Variants in GLCE observed in about 807,000 individuals in gnomAD.
GLCE encodes the protein D-glucuronyl C5-epimerase.
Under a neutral mutation model 47.9 loss-of-function variants are expected in GLCE, and 19 were observed. The observed-to-expected ratio is 0.40, with a 90% CI of 0.28 to 0.58. The LOEUF is 0.58. GLCE is among the 20% of genes least tolerant of loss of function. GLCE has a pLI of 0.48. For missense variants in GLCE, 556 were observed against 743.3 expected (o/e 0.75, Z 2.93); for synonymous variants, 245 against 263.4 (o/e 0.93, Z 0.68).
chr15:69,246,854 G>C (rs565107383), intron 2 of GLCE, among the ~76,000 whole-genome samples: 1 of 152,198 alleles, frequency 6.6e-6, no homozygotes, highest in Admixed American at 6.5e-5. Context: ...GTGACCAGCT[G>C]CATGTCAATG....
At chr15:69,194,541 T>C (rs1292845912) in intron 1 of GLCE, 3 of 152,148 alleles carry the variant, frequency 2.0e-5, no homozygotes. Flanking sequence ...AATAATTCAT[T>C]CTTATTATTT....
At chr15:69,245,332 CAAA>C (rs34544477) in intron 2 of GLCE, among the ~76,000 whole-genome samples, 6 of 79,184 alleles carry the variant, frequency 7.6e-5, no homozygotes. Context: ...GACTCTGTCT[CAAA>C]AAAAAAAAAA....
chr15:69,264,870 G>T lies in GLCE; in HGVS notation c.830-3350G>T, dbSNP rs142988829. ...GAAAAAGTGTCTATTCAGATCATTTGCTTATTTTTTAATCAGATTTTTTTT... is the reference window on the plus strand; with the variant it reads ...GAAAAAGTGTCTATTCAGATCATTTTCTTATTTTTTAATCAGATTTTTTTT... On this transcript the variant is annotated intron_variant, in intron 4 of 4. Transcript: ENST00000261858. Among the ~76,000 whole-genome samples the T allele has an allele frequency of 3.6e-4, 55 of 152,040 alleles. 1 individual carries two copies. The East Asian group carries it at 0.011, about 29-fold the overall frequency.
At chr15:69,174,587 G>A (rs1441277460) in intron 1 of GLCE, among the ~76,000 whole-genome samples, 1 of 152,122 alleles carries the variant, frequency 6.6e-6, no homozygotes, top group Non-Finnish European at 1.5e-5. Flanking sequence ...TCCAGCCTGG[G>A]CGACAAGAGT....
intron 2 of GLCE, among the ~76,000 whole-genome samples, chr15:69,235,723 C>A (rs556096016): frequency 6.6e-6 from 1 of 152,246 alleles, no homozygotes; most frequent in South Asian, 2.1e-4. Context: ...TAATTAGTTT[C>A]TTCTATATTT....
intron 3 of GLCE, among the ~76,000 whole-genome samples, chr15:69,259,088 T>G (rs1010920561): frequency 5.9e-5 from 9 of 152,350 alleles, no homozygotes; most frequent in Admixed American, 3.3e-4. Flanking sequence ...ATTGTTTTTT[T>G]GTCTGTTGGT....
At chr15:69,194,483 C>G (rs1002462539) in intron 1 of GLCE, 1 of 152,092 alleles carries the variant, frequency 6.6e-6, no homozygotes, top group Non-Finnish European at 1.5e-5. Flanking sequence ...ACTCATGGAA[C>G]CATTTGTTTA....
intron 2 of GLCE, among the ~76,000 whole-genome samples, chr15:69,228,046 A>G (rs1490146099): frequency 1.3e-5 from 2 of 152,248 alleles, no homozygotes; most frequent in East Asian, 3.8e-4. Flanking sequence ...TACTCTTAAA[A>G]TAGTAGAGAA....
chr15:69,209,798 G>A (rs571624598), intron 1 of GLCE, among the ~76,000 whole-genome samples: 25 of 152,050 alleles, frequency 1.6e-4, no homozygotes, highest in Non-Finnish European at 3.2e-4. Flanking sequence ...GGGCCAAGTG[G>A]CAGGAGGACA....
chr15:69,217,438 T>C (rs1254578319), intron 2 of GLCE, among the ~76,000 whole-genome samples: 1 of 151,638 alleles, frequency 6.6e-6, no homozygotes, highest in Non-Finnish European at 1.5e-5. Flanking sequence ...CCTTTTTCCC[T>C]TCTCTTGAAA....
At chr15:69,263,037 A>G (rs2053035745) in intron 4 of GLCE, among the ~76,000 whole-genome samples, 1 of 152,198 alleles carries the variant, frequency 6.6e-6, no homozygotes, top group Non-Finnish European at 1.5e-5. Flanking sequence ...TTTTAATAAT[A>G]TATGCGACCC....
chr15:69,199,812 A>T (rs886335549), intron 1 of GLCE, among the ~76,000 whole-genome samples: 1 of 152,114 alleles, frequency 6.6e-6, no homozygotes, highest in Non-Finnish European at 1.5e-5. Flanking sequence ...TATGGGTTAG[A>T]ACTTGGTCAT....
chr15:69,167,629 C>T (rs984014771), intron 1 of GLCE, among the ~76,000 whole-genome samples: 4 of 152,048 alleles, frequency 2.6e-5, no homozygotes, highest in South Asian at 2.1e-4. Flanking sequence ...TGTTTGGGAG[C>T]GGAAGGCAGT....
At chr15:69,194,912 T>C (rs1181224728) in intron 1 of GLCE, among the ~76,000 whole-genome samples, 1 of 152,188 alleles carries the variant, frequency 6.6e-6, no homozygotes, top group South Asian at 2.1e-4. Context: ...ATAGTCTTTA[T>C]AGATAAATGC....
intron 1 of GLCE, among the ~76,000 whole-genome samples, chr15:69,208,542 C>T (rs186916708): frequency 5.9e-5 from 9 of 152,130 alleles, no homozygotes; most frequent in Admixed American, 5.9e-4. Context: ...AGCTTAAAGC[C>T]TTAAAATTAG....
intron 1 of GLCE, among the ~76,000 whole-genome samples, chr15:69,189,094 GT>G (rs1409413339): frequency 6.6e-6 from 1 of 152,010 alleles, no homozygotes; most frequent in African/African-American, 2.4e-5. Flanking sequence ...CATTCTGTGG[GT>G]TTTGACAAAT....
At position 69,237,479 on chromosome 15, in the gene GLCE, T is replaced by G. The variant is rs1209457332; in HGVS notation, c.-13-18315T>G. 2.0e-5 allele frequency among the ~76,000 whole-genome samples: 3 copies of G among 151,926 alleles called. 1 individual carries two copies. The highest frequency in any genetic ancestry group is 2.0e-4 in the Admixed American group (3 of 15,240). On this transcript the variant is annotated intron_variant, in intron 2 of 4. Transcript: ENST00000261858. ...CAAGCATGGTGGCGCACACCTGTAA[T>G]CCCAGCTACTTGTGAGGCTGAGGCA...
intron 2 of GLCE, among the ~76,000 whole-genome samples, chr15:69,220,058 C>G (rs1251733310): frequency 6.6e-6 from 1 of 152,094 alleles, no homozygotes; most frequent in Non-Finnish European, 1.5e-5. Flanking sequence ...AATTTCCTTT[C>G]TTTTTAAGGC....
chr15:69,246,355 T>C (rs1245540496), intron 2 of GLCE, among the ~76,000 whole-genome samples: 1 of 152,178 alleles, frequency 6.6e-6, no homozygotes. Flanking sequence ...TTATTTTACC[T>C]AGATCCATCA....
Sources: allele counts gnomAD v4.1 joint callset (sites outside exome capture counted in the v4.1 genomes callset), GRCh38; gene constraint gnomAD v4.1.1; transcripts MANE v1.5; gene names NCBI Gene and HGNC (gene_info 2026-07-23, HGNC 2026-07-21).